PPP2R3A: variants seen among roughly 807,000 people sequenced by gnomAD.
PPP2R3A encodes protein phosphatase 2 regulatory subunit B''alpha, also known as serine/threonine-protein phosphatase 2A regulatory subunit B'' subunit alpha.
PPP2R3A carries 80 observed loss-of-function variants against 106.9 expected under a neutral mutation model. The observed-to-expected ratio is 0.75, with a 90% CI of 0.62 to 0.90. The LOEUF (loss-of-function observed/expected upper bound fraction) is 0.90, where lower values mean the gene tolerates loss of function less well. Ranked by LOEUF, PPP2R3A falls within the 40% of genes least tolerant of loss-of-function variation. PPP2R3A has a pLI of 0.00. For synonymous variants in PPP2R3A, 483 were observed against 468.3 expected, an observed-to-expected ratio of 1.03 and a Z score of -0.41; for missense variants, 1,386 against 1,350.4, an observed-to-expected ratio of 1.03 and a Z score of -0.41.
rs1937129686 is a variant in PPP2R3A at position 136,092,977 on chromosome 3, G to A, written c.2927+2310G>A. ...AGTCAAATGGATCACAGCCCAAAAT[G>A]TATGAGCTAATGCTATAAAAAATTC... On this transcript the variant is annotated intron_variant, in intron 10 of 13. Transcript: ENST00000264977. 2.0e-5 allele frequency among the ~76,000 whole-genome samples: 3 copies of A among 152,180 alleles called. No homozygotes were observed. The South Asian group carries it at 6.2e-4, about 31-fold the overall frequency.
At chr3:136,055,295 T>C in intron 5 of PPP2R3A, 2 of 886,722 alleles carry the variant, frequency 2.3e-6, no homozygotes, top group Non-Finnish European at 3.8e-6. Context: ...GTCTGTTGTG[T>C]TGGTGAAAGG....
rs555988170 is a variant in PPP2R3A at position 136,136,293 on chromosome 3, T to G, written c.3330-8750T>G. On this transcript the variant is annotated intron_variant, in intron 13 of 13. Coordinates refer to ENST00000264977, the MANE Select transcript of PPP2R3A (RefSeq NM_002718.5). ...TATAATATAAGGCCCTTAGGCATAG[T>G]GTCTGTGTAATCAATAAACAATGGC... Among the ~76,000 whole-genome samples, 84 of 152,084 alleles carry G rather than the reference T, an allele frequency of 5.5e-4. 4 individuals carry two copies. The South Asian group carries it at 0.017, about 31-fold the overall frequency.
At chr3:136,012,834 G>C (rs1934129443) in intron 2 of PPP2R3A, among the ~76,000 whole-genome samples, 1 of 152,126 alleles carries the variant, frequency 6.6e-6, no homozygotes, top group Admixed American at 6.5e-5. Context: ...GGGCACAGGT[G>C]GTATTTGATT....
chr3:135,986,968 A>G (rs768923496), intron 1 of PPP2R3A, among the ~76,000 whole-genome samples: 1 of 152,078 alleles, frequency 6.6e-6, no homozygotes, highest in Non-Finnish European at 1.5e-5. Flanking sequence ...TTCTTTTTTT[A>G]ACTAAAGCCA....
intron 13 of PPP2R3A, among the ~76,000 whole-genome samples, chr3:136,126,594 G>A (rs1481534231): frequency 6.6e-6 from 1 of 152,222 alleles, no homozygotes; most frequent in Non-Finnish European, 1.5e-5. Context: ...GACAACTTCT[G>A]CAGACTTAAA....
chr3:136,131,046 CCAT>C (rs1176317802), intron 13 of PPP2R3A, among the ~76,000 whole-genome samples: 1 of 152,138 alleles, frequency 6.6e-6, no homozygotes. Flanking sequence ...AGACCTAAAA[CCAT>C]AAAAACCCTA....
chr3:136,039,091 C>CT (rs1935173935), intron 3 of PPP2R3A, among the ~76,000 whole-genome samples: 2 of 152,140 alleles, frequency 1.3e-5, no homozygotes, highest in Non-Finnish European at 2.9e-5. Flanking sequence ...TTCAGGATAA[C>CT]TAATGTCAGA....
chr3:136,070,639 C>T, intron 6 of PPP2R3A, 87 bp downstream of exon 6: 1 of 1,030,072 alleles, frequency 9.7e-7, no homozygotes, highest in Non-Finnish European at 1.4e-6. Flanking sequence ...AGTATCTATG[C>T]AAAAGGTAAC....
At chr3:136,104,157 GATAA>G (rs1374138241) in intron 12 of PPP2R3A, among the ~76,000 whole-genome samples, 2 of 152,084 alleles carry the variant, frequency 1.3e-5, no homozygotes, top group Non-Finnish European at 2.9e-5. Flanking sequence ...TTCTAAATAA[GATAA>G]ATAAGAATTT....
At chr3:135,991,444 A>G (rs1034834812) in intron 1 of PPP2R3A, among the ~76,000 whole-genome samples, 3 of 152,198 alleles carry the variant, frequency 2.0e-5, no homozygotes, top group African/African-American at 4.8e-5. Context: ...TTTGGAGTAT[A>G]TAATAAAGAA....
chr3:136,090,757 A>G (rs1937075917), intron 10 of PPP2R3A, 90 bp downstream of exon 10: 4 of 978,314 alleles, frequency 4.1e-6, no homozygotes, highest in Admixed American at 2.0e-5. Flanking sequence ...AGTGAGGCCA[A>G]CTCAACGTGG....
chr3:135,968,787 A>G (rs1219696366), intron 1 of PPP2R3A, among the ~76,000 whole-genome samples: 2 of 152,334 alleles, frequency 1.3e-5, no homozygotes, highest in African/African-American at 2.4e-5. Context: ...AAGGAAATGC[A>G]TATCTTTCCT....
Position 136,002,392 on chromosome 3 carries a change from G to A in PPP2R3A, c.894G>A (p.Gln298=). 1 of 1,613,950 alleles carries A rather than the reference G, an allele frequency of 6.2e-7. No homozygotes were observed. The highest frequency in any genetic ancestry group is 8.5e-7 in the Non-Finnish European group (1 of 1,179,926). The change falls in exon 2 of 14, where the codon CAG becomes CAA. Residue 298 remains glutamine, a synonymous_variant. Transcript: ENST00000264977. ...AAAAGTTACCATTTGAATTCATGCA[G>A]TCTGGGAATAATGAGGCTCTAGATT... ...YLKKLPFEFM[Q]SGNNEALDLT... is the part of the protein sequence containing the mutation.
chr3:135,972,264 A>G (rs934981997), intron 1 of PPP2R3A, among the ~76,000 whole-genome samples: 11 of 152,208 alleles, frequency 7.2e-5, no homozygotes, highest in African/African-American at 2.7e-4. Context: ...ATTCAGCACA[A>G]TGTATACGAG....
intron 11 of PPP2R3A, 121 bp downstream of exon 11, chr3:136,102,303 G>T: frequency 6.9e-6 from 6 of 874,494 alleles, no homozygotes; most frequent in East Asian, 3.4e-5. Context: ...TCCTAGGACA[G>T]AAGTGTTTAA....
chr3:135,970,791 T>C (rs371628307), intron 1 of PPP2R3A, among the ~76,000 whole-genome samples: 2 of 152,290 alleles, frequency 1.3e-5, no homozygotes, highest in African/African-American at 4.8e-5. Flanking sequence ...CTCCTAACTT[T>C]TTAGGGATGT....
At chr3:136,032,492 T>A (rs1372141552) in intron 3 of PPP2R3A, among the ~76,000 whole-genome samples, 1 of 151,052 alleles carries the variant, frequency 6.6e-6, no homozygotes, top group East Asian at 1.9e-4. Context: ...AGAATTTGAC[T>A]TTCTCTTTTT....
chr3:136,077,501 C>A (rs1291666296), intron 6 of PPP2R3A, among the ~76,000 whole-genome samples: 1 of 138,246 alleles, frequency 7.2e-6, no homozygotes, highest in African/African-American at 2.6e-5. Flanking sequence ...GAATGCACCC[C>A]CCCACCCACC....
At chr3:135,974,105 C>T (rs750423599) in intron 1 of PPP2R3A, among the ~76,000 whole-genome samples, 8 of 152,308 alleles carry the variant, frequency 5.3e-5, no homozygotes, top group Middle Eastern at 3.4e-3. Context: ...CTTTGAAACG[C>T]GTCCTTCATT....
Sources: allele counts gnomAD v4.1 joint callset (sites outside exome capture counted in the v4.1 genomes callset), GRCh38; gene constraint gnomAD v4.1.1; transcripts MANE v1.5; gene names NCBI Gene and HGNC (gene_info 2026-07-23, HGNC 2026-07-21).